Variants in NEK4 observed in about 807,000 individuals in gnomAD.
NEK4 encodes the protein NIMA related kinase 4.
Under a neutral mutation model 98.4 loss-of-function variants are expected in NEK4, and 86 were observed. That is an observed-to-expected ratio of 0.87 (90% CI 0.73 to 1.05). The LOEUF is 1.05. Ranked by LOEUF, NEK4 falls within the 50% of genes least tolerant of loss-of-function variation. NEK4 has a pLI of 0.00. For missense variants in NEK4, 898 were observed against 950.3 expected (o/e 0.94, Z 0.72); for synonymous variants, 328 against 342.2 (o/e 0.96, Z 0.46).
At chr3:52,722,112 C>T (rs1302767300) in intron 15 of NEK4, among the ~76,000 whole-genome samples, 1 of 152,200 alleles carries the variant, frequency 6.6e-6, no homozygotes, top group African/African-American at 2.4e-5. Context: ...CTACCCCTCC[C>T]TTATTCTGAG....
chr3:52,758,769 T>A (rs1227493363), intron 6 of NEK4, among the ~76,000 whole-genome samples: 1 of 152,078 alleles, frequency 6.6e-6, no homozygotes, highest in Non-Finnish European at 1.5e-5. Flanking sequence ...GATCGAGAAC[T>A]CCTACAACTC....
rs1310167833 is a variant in NEK4, at chr3:52,766,180, T to C, written c.556A>G (p.Lys186Glu). The C allele has an allele frequency of 1.2e-6, 2 of 1,612,864 alleles. No homozygotes were observed. Among genetic ancestry groups the C allele is most frequent in the East Asian group, 2.2e-5 (1 of 44,876 alleles). ...CAGCATACAGAGCCCAATCCTACCTTATAGTTGTAGGGTTTGTTTGAGAAC... is the reference window on the plus strand; with the variant it reads ...CAGCATACAGAGCCCAATCCTACCTCATAGTTGTAGGGTTTGTTTGAGAAC... Reference protein sequence around the residue: ...ELFSNKPYNYKSDVWALGCCV... With the variant: ...ELFSNKPYNYESDVWALGCCV... The change falls in exon 3 of 16, where the codon AAG becomes GAG. Residue 186 changes from lysine to glutamate, a missense_variant and splice_region_variant. Lys to Glu is a moderately conservative substitution (Grantham distance 56). Transcript: ENST00000233027.
At chr3:52,719,420 C>T (rs990701793) in intron 15 of NEK4, among the ~76,000 whole-genome samples, 1 of 151,876 alleles carries the variant, frequency 6.6e-6, no homozygotes, top group Non-Finnish European at 1.5e-5. Context: ...CCCGTCTCTA[C>T]TAAAAATACA....
intron 10 of NEK4, among the ~76,000 whole-genome samples, chr3:52,744,739 CAAAA>C (rs113854356): frequency 0.043 from 5,809 of 135,904 alleles, 393 homozygotes; most frequent in African/African-American, 0.14. Context: ...ACAGCAAGAC[CAAAA>C]AAAAAAAAGG....
At chr3:52,730,637 G>C (rs1371854383) in intron 15 of NEK4, among the ~76,000 whole-genome samples, 1 of 152,208 alleles carries the variant, frequency 6.6e-6, no homozygotes, top group East Asian at 1.9e-4. Context: ...CTTGATGTCA[G>C]AGTTGTGCTG....
chr3:52,733,561 T>C (rs1412986049), intron 15 of NEK4: 7 of 510,012 alleles, frequency 1.4e-5, no homozygotes, highest in East Asian at 5.5e-5. Context: ...CTTTGGTCAA[T>C]TGCACGGCAT....
chr3:52,739,641 G>GA lies in NEK4; in HGVS notation c.2094-8dup, dbSNP rs747287413. The GA allele has an allele frequency of 1.3e-5, 20 of 1,598,062 alleles. No homozygotes were observed. The highest frequency in any genetic ancestry group is 8.1e-5 in the African/African-American group (6 of 74,162). On this transcript the variant is annotated splice_polypyrimidine_tract_variant and splice_region_variant and intron_variant, in intron 13 of 15. Coordinates refer to ENST00000233027, the MANE Select transcript of NEK4 (RefSeq NM_003157.6). ...TTCATTTGTCTGACCTTTCCTGGGG[G>GA]AAAAAAATATCCCTTTGTTATTTAA...
In NEK4 at chr3:52,749,561, C is replaced by T. The variant is rs150668974; in HGVS notation, c.1506+131G>A. On this transcript the variant is annotated intron_variant, in intron 8 of 15. Transcript: ENST00000233027. Reference sequence around the variant, plus strand: ...ATAAAAAGATGCTCAAGGCTGGGCACGGTGGCTCACACCTGTAATCCCAGC... The same window carrying T: ...ATAAAAAGATGCTCAAGGCTGGGCATGGTGGCTCACACCTGTAATCCCAGC... The T allele has an allele frequency of 2.6e-3, 407 of 154,860 alleles. 1 individual carries two copies. Among genetic ancestry groups the T allele is most frequent in the Admixed American group, 4.7e-3 (72 of 15,312 alleles). 9.6% of individuals were successfully genotyped at this position (154,860 alleles called of 1,614,324 possible).
intron 1 of NEK4, 148 bp downstream of exon 1, chr3:52,770,506 A>G (rs1360854069): frequency 8.1e-6 from 5 of 619,752 alleles, no homozygotes; most frequent in Admixed American, 2.6e-5. Flanking sequence ...CAGGGAGGCC[A>G]GGCCTCGTCT....
chr3:52,743,360 C>T lies in NEK4; in HGVS notation c.1996G>A (p.Val666Ile), dbSNP rs774389028. 18 of 1,612,830 alleles carry T rather than the reference C, an allele frequency of 1.1e-5. No homozygotes were observed. The highest frequency in any genetic ancestry group is 4.4e-5 in the South Asian group (4 of 91,058). ...PARRLSSDCSVTQERKQIHCL... is the reference protein window; with the variant it reads ...PARRLSSDCSITQERKQIHCL... ...AGGAGTACGTAATGCACCTGAGTGA[C>T]GCTGCAGTCAGAGGAGAGCCGTCGG... is the stretch of plus-strand genomic sequence containing the variant. Residue 666 changes from valine to isoleucine, a missense_variant, in exon 12 of 16, where the codon GTC becomes ATC. Physicochemically the swap from Val to Ile is conservative, Grantham distance 29. Coordinates refer to ENST00000233027, the MANE Select transcript of NEK4 (RefSeq NM_003157.6).
chr3:52,755,486 C>A (rs973901438), intron 6 of NEK4, among the ~76,000 whole-genome samples: 2 of 150,742 alleles, frequency 1.3e-5, no homozygotes, highest in Non-Finnish European at 1.5e-5. Context: ...AAAAAAAACA[C>A]CTTTTCATGA....
At chr3:52,716,448 C>T (rs993602801) in intron 15 of NEK4, among the ~76,000 whole-genome samples, 11 of 152,188 alleles carry the variant, frequency 7.2e-5, no homozygotes, top group Non-Finnish European at 1.2e-4. Context: ...TCGTATGAAG[C>T]TCTCTCTGTT....
At chr3:52,713,576 C>A (rs1561280347) in intron 15 of NEK4, among the ~76,000 whole-genome samples, 1 of 151,728 alleles carries the variant, frequency 6.6e-6, no homozygotes, top group African/African-American at 2.4e-5. Flanking sequence ...AGGCGGATCA[C>A]CTGAGGTCGG....
rs1179458722 is a variant in NEK4 at position 52,768,570 on chromosome 3, G to C, written c.128C>G (p.Ser43Cys). Residue 43 changes from serine to cysteine, a missense_variant, in exon 2 of 16, where the codon TCT (serine) becomes TGT (cysteine). Coordinates refer to ENST00000233027, the MANE Select transcript of NEK4 (RefSeq NM_003157.6). ...VIKKLNLRNA[S>C]SRERRAAEQE... ...TTCAGCAGCTCGCCGCTCTCGGCTA[G>C]AGGCATTTCGGAGGTTCAGTTTTTT... is the stretch of plus-strand genomic sequence containing the variant. 4 of 1,614,100 alleles carry C rather than the reference G, an allele frequency of 2.5e-6. No homozygotes were observed. Among genetic ancestry groups the C allele is most frequent in the African/African-American group, 1.3e-5 (1 of 74,942 alleles).
chr3:52,739,676 T>C (rs548214139), intron 13 of NEK4, 42 bp from the exon 14 acceptor site: 13 of 1,535,582 alleles, frequency 8.5e-6, no homozygotes, highest in East Asian at 2.3e-5. Flanking sequence ...ATTGGCTTCA[T>C]GAGAATTTTT....
At chr3:52,735,818 A>C (rs963846800) in intron 15 of NEK4, among the ~76,000 whole-genome samples, 1 of 152,258 alleles carries the variant, frequency 6.6e-6, no homozygotes, top group African/African-American at 2.4e-5. Context: ...AGGATCAGGA[A>C]AGTAAGTTAA....
At chr3:52,767,712 C>G (rs2154107215) in intron 2 of NEK4, among the ~76,000 whole-genome samples, 1 of 151,482 alleles carries the variant, frequency 6.6e-6, no homozygotes, top group Non-Finnish European at 1.5e-5. Context: ...AAACAAAACT[C>G]CGTCTCAAAA....
At chr3:52,738,421 GTATTT>G (rs1280037064) in intron 14 of NEK4, among the ~76,000 whole-genome samples, 12 of 143,660 alleles carry the variant, frequency 8.4e-5, no homozygotes, top group African/African-American at 1.9e-4. Flanking sequence ...TTTTTTTTTG[GTATTT>G]TATTTTATTA....
chr3:52,745,911 C>A, intron 10 of NEK4, 150 bp downstream of exon 10: 2 of 687,632 alleles, frequency 2.9e-6, no homozygotes, highest in South Asian at 2.2e-5. Flanking sequence ...TTTGTAGAGA[C>A]AAGGTCTCAC....
Sources: gnomAD v4.1 joint callset for allele counts (sites outside exome capture counted in the v4.1 genomes callset) on GRCh38, gnomAD v4.1.1 for gene constraint, MANE v1.5 for transcripts, NCBI Gene and HGNC (gene_info 2026-07-23, HGNC 2026-07-21) for gene names.